Variants in PRMT5 observed in about 807,000 individuals in gnomAD.
PRMT5 encodes protein arginine N-methyltransferase 5.
A neutral mutation model predicts 84.0 loss-of-function variants in PRMT5; 15 were observed. That is an observed-to-expected ratio of 0.18 (90% CI 0.12 to 0.28). The LOEUF is 0.28. PRMT5 is among the 10% of genes least tolerant of loss of function. The probability of loss-of-function intolerance (pLI) is 1.00; values close to 1 mark genes in which losing one functional copy is unlikely to be tolerated. For missense variants in PRMT5, 486 were observed against 808.0 expected (o/e 0.60, Z 4.83); for synonymous variants, 276 against 292.4 (o/e 0.94, Z 0.57).
Position 22,928,713 on chromosome 14 carries a change from C to A in PRMT5, c.111-98G>T. 1 of 953,362 alleles carries A rather than the reference C, an allele frequency of 1.0e-6. No individual in the cohort carries two copies. The allele number at this position is 953,362 out of a possible 1,614,324, so 59.1% of individuals were successfully genotyped here. A position where few individuals can be genotyped will look rare whatever the true frequency, so the allele number is the denominator to read the frequency against. On this transcript the variant is annotated intron_variant, in intron 1 of 16. Transcript: ENST00000324366. The surrounding 1 kb of genome is among the most constrained non-coding windows in gnomAD (Gnocchi z 4.8). ...CTATCTTGATTTTGCACAGCCCTTTCAGCTGCCATCAGTTCAGCCTACTAG... is the reference window on the plus strand; with the variant it reads ...CTATCTTGATTTTGCACAGCCCTTTAAGCTGCCATCAGTTCAGCCTACTAG...
Position 22,924,798 on chromosome 14 carries a change from T to C in PRMT5, c.939+81A>G, listed in dbSNP as rs1956880. The C allele has an allele frequency of 0.61, 973,832 of 1,588,482 alleles. 302,509 individuals carry two copies. The highest frequency in any genetic ancestry group is 0.79 in the East Asian group (35,393 of 44,572). On this transcript the variant is annotated intron_variant, in intron 8 of 16. Transcript: ENST00000324366. This position sits in a 1 kb window ranked among gnomAD's most constrained non-coding sequence, Gnocchi z 6.5. ...CAAAAACTTTCCACTGCTTTCTGAGTTTTAGTAAGATTTGGAGGCATATAT... is the reference window on the plus strand; with the variant it reads ...CAAAAACTTTCCACTGCTTTCTGAGCTTTAGTAAGATTTGGAGGCATATAT...
Position 22,924,653 on chromosome 14 carries a change from G to A in PRMT5, c.996C>T (p.Ile332=). ...QTYEVFEKDP[I]KYSQYQQAIY... The stretch of plus-strand genomic sequence containing the variant: ...GTACCTGCTGGTACTGAGAGTATTT[G>A]ATGGGGTCCTTTTCAAACACTTCAT... The change falls in exon 9 of 17, where the codon ATC becomes ATT. Residue 332 remains isoleucine, a synonymous_variant. Coordinates refer to ENST00000324366, the MANE Select transcript of PRMT5 (RefSeq NM_006109.5). This position sits in a 1 kb window ranked among gnomAD's most constrained non-coding sequence, Gnocchi z 6.5. 2 of 1,614,076 alleles carry A rather than the reference G, an allele frequency of 1.2e-6. No individual in the cohort carries two copies. The highest frequency in any genetic ancestry group is 8.5e-7 in the Non-Finnish European group (1 of 1,179,994).
rs763685002 is a variant in PRMT5 at position 22,921,045 on chromosome 14, C to T, written c.1773G>A (p.Thr591=). The T allele has an allele frequency of 7.4e-6, 12 of 1,614,002 alleles. No homozygotes were observed. In the Admixed American group the frequency reaches 1.3e-4, roughly 18 times the overall value. Reference sequence around the variant, plus strand: ...CACAGATGGTTTGGCCTTCACGTACCGTTATGGGCTGCTGTAAGAAGAAAG... The same window carrying T: ...CACAGATGGTTTGGCCTTCACGTACTGTTATGGGCTGCTGTAAGAAGAAAG... ...PILFPIKQPI[T]VREGQTICVR... The change falls in exon 17 of 17, where the codon ACG becomes ACA. Residue 591 remains threonine (T), a synonymous_variant. Coordinates refer to ENST00000324366, the MANE Select transcript of PRMT5 (RefSeq NM_006109.5).
In PRMT5 at chr14:22,920,531, C is replaced by T. The variant is rs1594502922; in HGVS notation, c.*373G>A. On this transcript the variant is annotated 3_prime_UTR_variant, in exon 17 of 17. Transcript: ENST00000324366. ...AGTGGCAGGGGGCAGCATGGTCGTG[C>T]AGTAAAGGGCTATAACTTTATTTGT... The T allele has an allele frequency of 2.4e-6, 1 of 409,936 alleles. No homozygotes were observed. Among genetic ancestry groups the T allele is most frequent in the Non-Finnish European group, 5.0e-6 (1 of 200,888 alleles). 25.4% of individuals were successfully genotyped at this position (409,936 alleles called of 1,614,324 possible).
At chr14:22,927,081 G>A (rs1240629273) in intron 4 of PRMT5, among the ~76,000 whole-genome samples, 2 of 148,810 alleles carry the variant, frequency 1.3e-5, no homozygotes, top group Non-Finnish European at 3.0e-5. Flanking sequence ...GCGCAATACT[G>A]ACCTTTTTTT....
In PRMT5 at chr14:22,924,741, A is replaced by C. The variant is rs2044379624; in HGVS notation, c.940-32T>G. ...AATGAGGAAAAGGACAAAGTTAGCC[A>C]GTTTCTGGCAAAGGACAATGCACTA... On this transcript the variant is annotated intron_variant, in intron 8 of 16. Coordinates refer to ENST00000324366, the MANE Select transcript of PRMT5 (RefSeq NM_006109.5). The surrounding 1 kb of genome is among the most constrained non-coding windows in gnomAD (Gnocchi z 6.5). 1 of 1,608,040 alleles carries C rather than the reference A, an allele frequency of 6.2e-7. No individual in the cohort carries two copies. The highest frequency in any genetic ancestry group is 8.5e-7 in the Non-Finnish European group (1 of 1,175,742).
In PRMT5 at chr14:22,924,400, A is replaced by G; in HGVS notation, c.1077-8T>C. 6.2e-7 allele frequency: 1 copy of G among 1,614,028 alleles called. No individual in the cohort carries two copies. Among genetic ancestry groups the G allele is most frequent in the Non-Finnish European group, 8.5e-7 (1 of 1,179,998 alleles). ...CCCAGCACCATCAGTACCCTAAGAA[A>G]GAAAGGGAAGAGTCAAGCAGACTTG... On this transcript the variant is annotated splice_region_variant and splice_polypyrimidine_tract_variant and intron_variant, in intron 10 of 16. Transcript: ENST00000324366. This position sits in a 1 kb window ranked among gnomAD's most constrained non-coding sequence, Gnocchi z 6.5.
rs909361209 is a variant in PRMT5, at chr14:22,926,883, TAAAA to T, written c.451-73_451-70del. ...ATTGGGTCCAGAAAGTTTCCCTCAA[TAAAA>T]AAAACTTCATCCAGACCTCGTTAAT... On this transcript the variant is annotated intron_variant, in intron 4 of 16. Transcript: ENST00000324366. The T allele has an allele frequency of 1.2e-5, 13 of 1,094,442 alleles. No individual in the cohort carries two copies. In the East Asian group the frequency reaches 3.1e-4, roughly 26 times the overall value. 67.8% of individuals were successfully genotyped at this position (1,094,442 alleles called of 1,614,324 possible).
chr14:22,924,532 G>A lies in PRMT5; in HGVS notation c.1023C>T (p.Ile341=), dbSNP rs377613452. 56 of 1,613,908 alleles carry A rather than the reference G, an allele frequency of 3.5e-5. No individual in the cohort carries two copies. The highest frequency in any genetic ancestry group is 4.5e-5 in the Non-Finnish European group (53 of 1,179,926). The change falls in exon 10 of 17, where the codon ATC becomes ATT. Residue 341 remains isoleucine, a synonymous_variant. Transcript: ENST00000324366. This position sits in a 1 kb window ranked among gnomAD's most constrained non-coding sequence, Gnocchi z 6.5. ...PIKYSQYQQA[I]YKCLLDRVPE... ...GTACTCGGTCTAGCAGACATTTATA[G>A]ATGGCCTGGAGGGAGGAGAGAATAT... is the stretch of plus-strand genomic sequence containing the variant.
At chr14:22,925,141 CAACAGT>C (rs1208601952) in intron 7 of PRMT5, 101 bp from the exon 8 acceptor site, 2 of 1,141,192 alleles carry the variant, frequency 1.8e-6, no homozygotes, top group African/African-American at 3.3e-5. Context: ...AGGCCCAGAT[CAACAGT>C]TCTCTTTTTT....
Position 22,928,090 on chromosome 14 carries a change from T to C in PRMT5, c.315+36A>G, listed in dbSNP as rs1352308571. 6.3e-7 allele frequency: 1 copy of C among 1,584,188 alleles called. No individual in the cohort carries two copies. The highest frequency in any genetic ancestry group is 2.2e-5 in the East Asian group (1 of 44,616). Reference sequence around the variant, plus strand: ...GGACCACTCTCCCCACCCAGCTTGGTTAGAAAAATCCAGCAGAGAAGTCAA... The same window carrying C: ...GGACCACTCTCCCCACCCAGCTTGGCTAGAAAAATCCAGCAGAGAAGTCAA... On this transcript the variant is annotated intron_variant, in intron 3 of 16. Transcript: ENST00000324366. The surrounding 1 kb of genome is among the most constrained non-coding windows in gnomAD (Gnocchi z 4.8).
At chr14:22,925,368 G>A (rs1370082015) in intron 7 of PRMT5, among the ~76,000 whole-genome samples, 1 of 151,458 alleles carries the variant, frequency 6.6e-6, no homozygotes, top group Non-Finnish European at 1.5e-5. Context: ...TGTTGGACAG[G>A]CTGGTCTCAA....
chr14:22,922,333 C>T lies in PRMT5; in HGVS notation c.1697-93G>A, dbSNP rs2044319006. On this transcript the variant is annotated intron_variant, in intron 15 of 16. Transcript: ENST00000324366. ...GTCTCTTCTCTAATCACACAAAGATCTCCATTCATTGAGCACTGGGCCCCC... is the reference window on the plus strand; with the variant it reads ...GTCTCTTCTCTAATCACACAAAGATTTCCATTCATTGAGCACTGGGCCCCC... 2.8e-6 allele frequency: 3 copies of T among 1,055,586 alleles called. No individual in the cohort carries two copies. In the Admixed American group the frequency reaches 5.7e-5, roughly 20 times the overall value. 65.4% of individuals were successfully genotyped at this position (1,055,586 alleles called of 1,614,324 possible).
intron 4 of PRMT5, chr14:22,927,022 C>A: frequency 3.8e-5 from 20 of 523,528 alleles, no homozygotes; most frequent in Non-Finnish European, 4.8e-5. Context: ...AAAATAATTA[C>A]ATTTACATGT....
intron 16 of PRMT5, 198 bp from the exon 17 acceptor site, chr14:22,921,254 C>G: frequency 1.6e-6 from 1 of 629,026 alleles, no homozygotes; most frequent in East Asian, 2.8e-5. Context: ...AGAAAAACAC[C>G]TATGAAAGGG....
chr14:22,921,622 C>T (rs1350021974), intron 16 of PRMT5, among the ~76,000 whole-genome samples: 4 of 152,126 alleles, frequency 2.6e-5, no homozygotes, highest in African/African-American at 9.7e-5. Flanking sequence ...CGGTGGCTCA[C>T]GCCTGTAATC....
chr14:22,920,868 G>T lies in PRMT5; in HGVS notation c.*36C>A. On this transcript the variant is annotated 3_prime_UTR_variant, in exon 17 of 17. Transcript: ENST00000324366. ...CTGTACTACAGGAGCAGAACCTGAA[G>T]CTGCTTCCAAGGCTCTGGACACTTG... is the stretch of plus-strand genomic sequence containing the variant. 3 of 1,612,168 alleles carry T rather than the reference G, an allele frequency of 1.9e-6. No individual in the cohort carries two copies. The highest frequency in any genetic ancestry group is 2.5e-6 in the Non-Finnish European group (3 of 1,178,376).
Position 22,926,128 on chromosome 14 carries a change from C to T in PRMT5, c.777+5G>A. The T allele has an allele frequency of 6.2e-7, 1 of 1,604,946 alleles. No individual in the cohort carries two copies. The highest frequency in any genetic ancestry group is 8.5e-7 in the Non-Finnish European group (1 of 1,171,760). On this transcript the variant is annotated splice_donor_5th_base_variant and intron_variant, in intron 7 of 16. Transcript: ENST00000324366. Reference sequence around the variant, plus strand: ...GACTACCTTTAGAACCCTCCTACCACTCACCTTGAGGAGCCGGAAGATGAG... The same window carrying T: ...GACTACCTTTAGAACCCTCCTACCATTCACCTTGAGGAGCCGGAAGATGAG...
At position 22,924,894 on chromosome 14, in the gene PRMT5, C is replaced by T. The variant is rs2044383423; in HGVS notation, c.924G>A (p.Leu308=). 4.3e-6 allele frequency: 7 copies of T among 1,614,150 alleles called. No individual in the cohort carries two copies. Among genetic ancestry groups the T allele is most frequent in the Non-Finnish European group, 5.9e-6 (7 of 1,180,002 alleles). The change falls in exon 8 of 17, where the codon CTG becomes CTA. Residue 308 remains leucine (L), a synonymous_variant. Transcript: ENST00000324366. This position sits in a 1 kb window ranked among gnomAD's most constrained non-coding sequence, Gnocchi z 6.5. ...ELFAKGYEDY[L]QSPLQPLMDN... ...CCAGACCCACCTGAAGCGGGGACTG[C>T]AGATAGTCTTCATAGCCCTTGGCAA...
Sources: allele counts gnomAD v4.1 joint callset (sites outside exome capture counted in the v4.1 genomes callset), GRCh38; gene constraint gnomAD v4.1.1; non-coding constraint Gnocchi (gnomAD v3.1); transcripts MANE v1.5; gene names NCBI Gene and HGNC (gene_info 2026-07-23, HGNC 2026-07-21).